PTPRD: variants seen among roughly 807,000 people sequenced by gnomAD.
The protein encoded by PTPRD is protein tyrosine phosphatase receptor type D, also known as receptor-type tyrosine-protein phosphatase delta.
A neutral mutation model predicts 214.5 loss-of-function variants in PTPRD; 34 were observed. That is an observed-to-expected ratio of 0.16 (90% CI 0.12 to 0.21). The LOEUF (loss-of-function observed/expected upper bound fraction) is 0.21. Ranked by LOEUF, PTPRD falls within the 10% of genes least tolerant of loss-of-function variation. The pLI is 1.00. For missense variants in PTPRD, 2,545 were observed against 2,398.7 expected (o/e 1.06, Z -1.27); for synonymous variants, 1,128 against 845.7 (o/e 1.33, Z -5.79).
intron 2 of PTPRD, among the ~76,000 whole-genome samples, chr9:10,509,172 C>T (rs1322244064): frequency 1.3e-5 from 2 of 151,730 alleles, no homozygotes; most frequent in Admixed American, 6.6e-5. Context: ...TATGAAGATC[C>T]ATAGGAGGAA....
chr9:9,912,634 T>G (rs1178037579), intron 5 of PTPRD, among the ~76,000 whole-genome samples: 1 of 152,178 alleles, frequency 6.6e-6, no homozygotes, highest in African/African-American at 2.4e-5. Context: ...CACGTGAGTT[T>G]GCATCTCCCT....
At chr9:10,270,437 CTTG>C (rs1038798279) in intron 3 of PTPRD, among the ~76,000 whole-genome samples, 4 of 152,052 alleles carry the variant, frequency 2.6e-5, no homozygotes, top group South Asian at 2.1e-4. Context: ...ACTAATGAGA[CTTG>C]TTGTATATAT....
In PTPRD at chr9:10,500,050, T is replaced by C. The variant is rs531780310; in HGVS notation, c.-600+112348A>G. Among the ~76,000 whole-genome samples the C allele has an allele frequency of 2.7e-4, 41 of 151,884 alleles. 1 individual carries two copies. The highest frequency in any genetic ancestry group is 8.7e-4 in the African/African-American group (36 of 41,512). On this transcript the variant is annotated intron_variant, in intron 2 of 45. Transcript: ENST00000381196. ...ATAAGACCATGACCTTTTTCCAATA[T>C]TGGAATATTTTTCTATTTTAAATCA...
chr9:8,561,667 T>C (rs1340063726), intron 14 of PTPRD, among the ~76,000 whole-genome samples: 1 of 151,870 alleles, frequency 6.6e-6, no homozygotes, highest in Non-Finnish European at 1.5e-5. Flanking sequence ...GTCAGAAAAT[T>C]CCTGCGTCAG....
intron 11 of PTPRD, among the ~76,000 whole-genome samples, chr9:8,901,437 G>A (rs540631636): frequency 3.3e-5 from 5 of 152,298 alleles, no homozygotes; most frequent in Admixed American, 2.0e-4. Flanking sequence ...GTAGAGCACT[G>A]TTAATTTTGC....
At chr9:9,297,109 G>A (rs1953364155) in intron 9 of PTPRD, among the ~76,000 whole-genome samples, 1 of 151,664 alleles carries the variant, frequency 6.6e-6, no homozygotes, top group African/African-American at 2.4e-5. Flanking sequence ...GTAATGATAT[G>A]GATGAGAGTC....
At chr9:9,445,028 T>A (rs1292868561) in intron 8 of PTPRD, among the ~76,000 whole-genome samples, 2 of 152,148 alleles carry the variant, frequency 1.3e-5, no homozygotes, top group Admixed American at 1.3e-4. Flanking sequence ...TTTAAAAAAA[T>A]GAGTGAGCAA....
At chr9:10,403,910 T>C (rs2098317976) in intron 2 of PTPRD, among the ~76,000 whole-genome samples, 1 of 151,582 alleles carries the variant, frequency 6.6e-6, no homozygotes. Context: ...TGTACGATAC[T>C]ATAAAGGTAG....
intron 9 of PTPRD, among the ~76,000 whole-genome samples, chr9:9,312,358 T>C (rs1428334164): frequency 6.6e-6 from 1 of 152,162 alleles, no homozygotes; most frequent in African/African-American, 2.4e-5. Flanking sequence ...ATTTTAAAAG[T>C]TGTTTAGTCA....
At chr9:9,120,333 G>A (rs1340080376) in intron 10 of PTPRD, among the ~76,000 whole-genome samples, 1 of 152,202 alleles carries the variant, frequency 6.6e-6, no homozygotes, top group African/African-American at 2.4e-5. Context: ...ATTACATGGA[G>A]ACCGTGATGA....
intron 3 of PTPRD, among the ~76,000 whole-genome samples, chr9:10,278,684 G>A (rs907690909): frequency 2.6e-5 from 4 of 151,840 alleles, no homozygotes; most frequent in African/African-American, 7.3e-5. Flanking sequence ...CTACTGATTC[G>A]AAGATAATGA....
chr9:8,955,627 T>C (rs533579245), intron 11 of PTPRD, among the ~76,000 whole-genome samples: 1 of 151,858 alleles, frequency 6.6e-6, no homozygotes, highest in East Asian at 1.9e-4. Context: ...TTTTTATTTT[T>C]TATTTTTTTA....
At chr9:8,443,210 G>C (rs2133035158) in intron 34 of PTPRD, among the ~76,000 whole-genome samples, 1 of 152,308 alleles carries the variant, frequency 6.6e-6, no homozygotes, top group Non-Finnish European at 1.5e-5. Context: ...TACAGAATTT[G>C]AACAAGCTGT....
intron 14 of PTPRD, among the ~76,000 whole-genome samples, chr9:8,570,198 T>C (rs2090684509): frequency 1.4e-5 from 2 of 143,544 alleles, no homozygotes; most frequent in Admixed American, 1.4e-4. Context: ...GAGATTTTTA[T>C]ATGTAAATTG....
chr9:8,739,440 G>C (rs979865279), intron 11 of PTPRD, among the ~76,000 whole-genome samples: 7 of 152,180 alleles, frequency 4.6e-5, no homozygotes, highest in African/African-American at 1.7e-4. Flanking sequence ...AACGTAGCTA[G>C]TGCGACTGAG....
chr9:8,397,160 A>G (rs2091389883), intron 36 of PTPRD, among the ~76,000 whole-genome samples: 1 of 152,152 alleles, frequency 6.6e-6, no homozygotes, highest in Non-Finnish European at 1.5e-5. Flanking sequence ...CATTCTAACA[A>G]ATTTCCTTTA....
chr9:8,363,181 T>C (rs557019824), intron 39 of PTPRD, among the ~76,000 whole-genome samples: 1 of 152,310 alleles, frequency 6.6e-6, no homozygotes, highest in African/African-American at 2.4e-5. Context: ...TTGTGACCAT[T>C]TGAGGTTGCA....
intron 11 of PTPRD, among the ~76,000 whole-genome samples, chr9:8,845,650 G>A (rs534353864): frequency 6.6e-6 from 1 of 152,218 alleles, no homozygotes; most frequent in Admixed American, 6.5e-5. Flanking sequence ...AAATCCTAGT[G>A]TCTAAGTAAC....
chr9:9,546,832 G>C (rs1350819106), intron 8 of PTPRD, among the ~76,000 whole-genome samples: 1 of 151,574 alleles, frequency 6.6e-6, no homozygotes, highest in African/African-American at 2.4e-5. Flanking sequence ...TCTTAATATA[G>C]TGGAGTAATT....
Sources: allele counts gnomAD v4.1 joint callset (sites outside exome capture counted in the v4.1 genomes callset), GRCh38; gene constraint gnomAD v4.1.1; transcripts MANE v1.5; gene names NCBI Gene and HGNC (gene_info 2026-07-23, HGNC 2026-07-21).